Variants in TLE6 observed in about 807,000 individuals in gnomAD.
The protein encoded by TLE6 is transducin-like enhancer protein 6.
In TLE6, 72 loss-of-function variants were observed where a neutral mutation model predicts 77.1. The observed-to-expected ratio is 0.93, with a 90% CI of 0.77 to 1.14. The LOEUF is 1.14. Among genes scored for constraint, TLE6 ranks in the 50% most tolerant of loss-of-function variants. The pLI, the probability that TLE6 is intolerant of heterozygous loss-of-function variation, is 0.00. For synonymous variants in TLE6, 366 were observed against 287.3 expected (o/e 1.27, Z -2.77); for missense variants, 843 against 747.6 (o/e 1.13, Z -1.49).
rs778165067 is a variant in TLE6, at chr19:2,987,150, G to T, written c.453G>T (p.Glu151Asp). The stretch of plus-strand genomic sequence containing the variant: ...AGACCCAGCTGTTCTGGGACAAGGA[G>T]CCTTGGTTTTGGCACGACACTCTGA... Reference protein sequence around the residue: ...QPETQLFWDKEPWFWHDTLTE... With the variant: ...QPETQLFWDKDPWFWHDTLTE... The change falls in exon 7 of 17, where the codon GAG (glutamate) becomes GAT (aspartate). Residue 151 changes from glutamate to aspartate, a missense_variant. Transcript: ENST00000246112. 3.7e-6 allele frequency: 6 copies of T among 1,614,090 alleles called. No individual in the cohort carries two copies. Among genetic ancestry groups the T allele is most frequent in the Non-Finnish European group, 5.1e-6 (6 of 1,180,040 alleles).
chr19:2,987,484 G>A, intron 8 of TLE6, 112 bp downstream of exon 8: 1 of 1,495,348 alleles, frequency 6.7e-7, no homozygotes, highest in Non-Finnish European at 9.3e-7. Flanking sequence ...CTTCCATCCT[G>A]CCCCTCGGGT....
In TLE6 at chr19:2,995,049, C is replaced by T. The variant is rs1360064421; in HGVS notation, c.*45C>T. 8 of 1,104,178 alleles carry T rather than the reference C, an allele frequency of 7.2e-6. No homozygotes were observed. The highest frequency in any genetic ancestry group is 4.0e-5 in the African/African-American group (2 of 49,410). 68.4% of individuals were successfully genotyped at this position (1,104,178 alleles called of 1,614,324 possible). On this transcript the variant is annotated 3_prime_UTR_variant, in exon 17 of 17. Coordinates refer to ENST00000246112, the MANE Select transcript of TLE6 (RefSeq NM_001143986.2). Reference sequence around the variant, plus strand: ...CCCACTCCGGCTCCTCTTTTCATCCCCCCCCTTCCCCCCCCCCAACAAGGG... The same window carrying T: ...CCCACTCCGGCTCCTCTTTTCATCCTCCCCCTTCCCCCCCCCCAACAAGGG...
rs2089149937 is a variant in TLE6, at chr19:2,994,009, T to C, written c.1538-10T>C. 1.2e-6 allele frequency: 2 copies of C among 1,601,270 alleles called. No homozygotes were observed. Among genetic ancestry groups the C allele is most frequent in the Non-Finnish European group, 1.7e-6 (2 of 1,174,870 alleles). On this transcript the variant is annotated splice_polypyrimidine_tract_variant and intron_variant, in intron 15 of 16. Coordinates refer to ENST00000246112, the MANE Select transcript of TLE6 (RefSeq NM_001143986.2). The stretch of plus-strand genomic sequence containing the variant: ...GGTTCTAAGTCTCGCTGATGCTCCA[T>C]TTCTCCCAGGCCAGTGGTGGGCAAG...
chr19:2,988,237 T>G, intron 11 of TLE6, 109 bp downstream of exon 11: 2 of 1,199,030 alleles, frequency 1.7e-6, no homozygotes, highest in South Asian at 1.4e-5. Flanking sequence ...TGTAAGACTT[T>G]CTTCCCCTTT....
chr19:2,988,157 CG>C (rs2088959977), intron 11 of TLE6, 29 bp downstream of exon 11: 1 of 1,549,930 alleles, frequency 6.5e-7, no homozygotes, highest in South Asian at 1.2e-5. Context: ...TGCTTTTGGG[CG>C]GGGTGAGGGG....
rs770763470 is a variant in TLE6, at chr19:2,989,214, G to A, written c.894G>A (p.Thr298=). The change falls in exon 12 of 17, where the codon ACG becomes ACA. Residue 298 remains threonine (T), a synonymous_variant. Transcript: ENST00000246112. ...TCGCCACGGCCATCAGCAGCTTCAC[G>A]CGGCACGTGTTCACCTGTGGCAGAA... ...LVLATAISSF[T]RHVFTCGRRG... 9 of 1,614,020 alleles carry A rather than the reference G, an allele frequency of 5.6e-6. No homozygotes were observed. The highest frequency in any genetic ancestry group is 2.2e-5 in the East Asian group (1 of 44,892).
At chr19:2,982,993 C>T (rs1054949134) in intron 5 of TLE6, among the ~76,000 whole-genome samples, 3 of 152,060 alleles carry the variant, frequency 2.0e-5, no homozygotes, top group Admixed American at 1.3e-4. Flanking sequence ...CAGCCCAGGG[C>T]GCCTGGCCCA....
intron 2 of TLE6, among the ~76,000 whole-genome samples, chr19:2,978,873 T>C (rs532714100): frequency 1.4e-4 from 21 of 152,170 alleles, no homozygotes; most frequent in Non-Finnish European, 2.8e-4. Context: ...AGATGACCAT[T>C]TGTAAATTTA....
At chr19:2,981,512 T>A in intron 3 of TLE6, 26 bp from the exon 4 acceptor site, 1 of 1,551,264 alleles carries the variant, frequency 6.4e-7, no homozygotes, top group Non-Finnish European at 8.7e-7. Context: ...CCACAGGTCT[T>A]CCAGCCTGTC....
chr19:2,987,311 C>T (rs1385366900), intron 7 of TLE6, 45 bp from the exon 8 acceptor site: 31 of 1,614,076 alleles, frequency 1.9e-5, no homozygotes, highest in Non-Finnish European at 2.6e-5. Context: ...GTGAACCCTG[C>T]TGTTCTCTCT....
At chr19:2,990,612 GAAAA>G (rs773441965) in intron 13 of TLE6, among the ~76,000 whole-genome samples, 1 of 136,424 alleles carries the variant, frequency 7.3e-6, no homozygotes, top group African/African-American at 2.8e-5. Flanking sequence ...TCTCAAAAAA[GAAAA>G]AAAAATACAC....
intron 5 of TLE6, chr19:2,983,896 G>A (rs2088850652): frequency 6.6e-6 from 1 of 152,630 alleles, no homozygotes; most frequent in South Asian, 2.1e-4. Context: ...CGCAGCTGCT[G>A]AGCATCAGGA....
Position 2,988,147 on chromosome 19 carries a change from T to G in TLE6, c.740+19T>G. 1.3e-6 allele frequency: 2 copies of G among 1,551,374 alleles called. No homozygotes were observed. The highest frequency in any genetic ancestry group is 1.7e-6 in the Non-Finnish European group (2 of 1,146,758). ...AGTCCATGTAAGTGTCTGCACTGTT[T>G]GCTTTTGGGCGGGGTGAGGGGCAGC... On this transcript the variant is annotated intron_variant, in intron 11 of 16. Transcript: ENST00000246112.
intron 13 of TLE6, among the ~76,000 whole-genome samples, chr19:2,990,189 A>G (rs1475796794): frequency 1.3e-5 from 2 of 152,178 alleles, no homozygotes; most frequent in Non-Finnish European, 2.9e-5. Flanking sequence ...GCTTAAGCCC[A>G]GGAATTCGAG....
In TLE6 at chr19:2,978,200, T is replaced by C. The variant is rs748252682; in HGVS notation, c.-34T>C. 2.0e-4 allele frequency: 307 copies of C among 1,550,384 alleles called. No individual in the cohort carries two copies. Among genetic ancestry groups the C allele is most frequent in the Admixed American group, 2.6e-4 (13 of 50,912 alleles). ...CTGCCGTCTCCTTGTTGTTTTAGAC[T>C]CTGGCTAAAGTCTTGGAGGCTACTG... is the stretch of plus-strand genomic sequence containing the variant. On this transcript the variant is annotated splice_region_variant and 5_prime_UTR_variant, in exon 2 of 17. Transcript: ENST00000246112.
rs866565917 is a variant in TLE6, at chr19:2,995,056, T to C, written c.*52T>C. 2,970 of 827,056 alleles carry C rather than the reference T, an allele frequency of 3.6e-3. 16 individuals are homozygous for C. The highest frequency in any genetic ancestry group is 0.011 in the South Asian group (661 of 57,636). The allele number at this position is 827,056 out of a possible 1,614,324, so 51.2% of individuals were successfully genotyped here. On this transcript the variant is annotated 3_prime_UTR_variant, in exon 17 of 17. Coordinates refer to ENST00000246112, the MANE Select transcript of TLE6 (RefSeq NM_001143986.2). ...CGGCTCCTCTTTTCATCCCCCCCCT[T>C]CCCCCCCCCCAACAAGGGGGACATG...
chr19:2,978,319 G>A, intron 2 of TLE6, 35 bp downstream of exon 2: 1 of 1,549,808 alleles, frequency 6.5e-7, no homozygotes, highest in South Asian at 1.2e-5. Context: ...AGCCCTCAAG[G>A]GAAACCCGGG....
Position 2,988,871 on chromosome 19 carries a change from G to A in TLE6, c.741-190G>A, listed in dbSNP as rs2088975615. On this transcript the variant is annotated intron_variant, in intron 11 of 16. Coordinates refer to ENST00000246112, the MANE Select transcript of TLE6 (RefSeq NM_001143986.2). ...AGGAAGAAGGCAGAAGTATGTGGAG[G>A]GCTGTGGCAAAGGGACAATACTTGA... The A allele has an allele frequency of 5.1e-6, 4 of 783,410 alleles. No individual in the cohort carries two copies. The South Asian group carries it at 7.6e-5, about 15-fold the overall frequency. 48.5% of individuals were successfully genotyped at this position (783,410 alleles called of 1,614,324 possible).
At chr19:2,989,464 C>G (rs974459230) in intron 12 of TLE6, 71 bp from the exon 13 acceptor site, 2 of 1,573,042 alleles carry the variant, frequency 1.3e-6, no homozygotes, top group African/African-American at 2.7e-5. Context: ...GGAGTTCGCT[C>G]TCATGAGGCA....
Sources: allele counts gnomAD v4.1 joint callset (sites outside exome capture counted in the v4.1 genomes callset), GRCh38; gene constraint gnomAD v4.1.1; transcripts MANE v1.5; gene names NCBI Gene and HGNC (gene_info 2026-07-23, HGNC 2026-07-21).